CNTNAP3B: variants seen among roughly 807,000 people sequenced by gnomAD.
The protein encoded by CNTNAP3B is contactin-associated protein-like 3B.
Under a neutral mutation model 108.9 loss-of-function variants are expected in CNTNAP3B, and 25 were observed. That is an observed-to-expected ratio of 0.23 (90% CI 0.17 to 0.32). The LOEUF (loss-of-function observed/expected upper bound fraction) is 0.32, where lower values mean the gene tolerates loss of function less well. CNTNAP3B is among the 10% of genes least tolerant of loss of function. CNTNAP3B has a pLI of 1.00. For missense variants in CNTNAP3B, 252 were observed against 1,210.4 expected, an observed-to-expected ratio of 0.21 and a Z score of 11.75; for synonymous variants, 103 against 473.4, an observed-to-expected ratio of 0.22 and a Z score of 10.16.
chr9:41,986,456 T>G, intron 8 of CNTNAP3B, 145 bp from the exon 9 acceptor site: 1 of 1,016,702 alleles, frequency 9.8e-7, no homozygotes, highest in Non-Finnish European at 1.4e-6. Flanking sequence ...ATTAACCACC[T>G]ATCTTTAATT....
intron 14 of CNTNAP3B, among the ~76,000 whole-genome samples, chr9:41,932,517 C>T (rs3011061): frequency 1.6e-5 from 2 of 124,852 alleles, no homozygotes; most frequent in Non-Finnish European, 3.5e-5. Context: ...ACTTTTTTTT[C>T]TTCTTTTTTT....
At chr9:42,086,007 C>T (rs1213583816) in intron 2 of CNTNAP3B, among the ~76,000 whole-genome samples, 954 of 109,312 alleles carry the variant, frequency 8.7e-3, no homozygotes, top group South Asian at 0.015. Flanking sequence ...ATTAGTCCAT[C>T]TTCACACTGC....
chr9:41,953,435 G>A, intron 12 of CNTNAP3B, 49 bp from the exon 13 acceptor site: 1 of 1,505,256 alleles, frequency 6.6e-7, no homozygotes, highest in South Asian at 1.2e-5. Context: ...GCAGACGCCA[G>A]CAGCAAGAGG....
intron 13 of CNTNAP3B, among the ~76,000 whole-genome samples, chr9:41,939,490 CT>C (rs1824266361): frequency 6.9e-6 from 1 of 145,864 alleles, no homozygotes; most frequent in African/African-American, 2.6e-5. Flanking sequence ...TCACCTGCCC[CT>C]CTGCCAAAAA....
intron 10 of CNTNAP3B, among the ~76,000 whole-genome samples, chr9:41,968,858 C>T (rs1440563218): frequency 2.0e-5 from 3 of 149,988 alleles, no homozygotes; most frequent in East Asian, 1.9e-4. Context: ...AGTGCAGTGG[C>T]ACTATCTCAT....
chr9:42,090,347 CT>C (rs1194296821), intron 2 of CNTNAP3B, among the ~76,000 whole-genome samples: 2 of 93,642 alleles, frequency 2.1e-5, no homozygotes, highest in Non-Finnish European at 4.2e-5. Flanking sequence ...TGGAGCTCTA[CT>C]TTTTCTTTAT....
intron 11 of CNTNAP3B, among the ~76,000 whole-genome samples, chr9:41,962,913 A>G (rs62557278): frequency 2.0e-5 from 3 of 151,220 alleles, no homozygotes; most frequent in Non-Finnish European, 2.9e-5. Context: ...TGAGATCATG[A>G]CACTGGGCTC....
intron 13 of CNTNAP3B, among the ~76,000 whole-genome samples, chr9:41,943,744 T>C (rs1824436970): frequency 6.6e-6 from 1 of 151,862 alleles, no homozygotes; most frequent in African/African-American, 2.4e-5. Flanking sequence ...GAAGAAATAT[T>C]TAAAATAATG....
chr9:42,038,527 CAAAG>C (rs1473160666), intron 3 of CNTNAP3B, among the ~76,000 whole-genome samples: 1 of 117,054 alleles, frequency 8.5e-6, no homozygotes, highest in Non-Finnish European at 1.8e-5. Context: ...TCAAAAGAGA[CAAAG>C]AAGGCCATTA....
chr9:41,925,267 C>G (rs1336159898), intron 15 of CNTNAP3B, among the ~76,000 whole-genome samples: 1 of 150,574 alleles, frequency 6.6e-6, no homozygotes, highest in Non-Finnish European at 1.5e-5. Context: ...GTCATTCCTT[C>G]CACATTAATT....
At chr9:42,108,772 T>C (rs1828131141) in intron 1 of CNTNAP3B, among the ~76,000 whole-genome samples, 1 of 139,290 alleles carries the variant, frequency 7.2e-6, no homozygotes, top group African/African-American at 2.8e-5. Flanking sequence ...ATTTGTCCCC[T>C]GACCCCTGCC....
In CNTNAP3B at chr9:41,972,749, AT is replaced by A. The variant is rs1423732397; in HGVS notation, c.1478-2505del. ...ATGGTACAGCAGAACCTTCTGAAGA[AT>A]GGGATAGAGAGTGAACTTTGTATAA... On this transcript the variant is annotated intron_variant, in intron 9 of 23. Transcript: ENST00000377561. 5.9e-5 allele frequency among the ~76,000 whole-genome samples: 8 copies of A among 135,210 alleles called. 1 individual carries two copies. The highest frequency in any genetic ancestry group is 3.0e-4 in the Admixed American group (4 of 13,276). The allele number at this position is 135,210 out of a possible 152,430, so 88.7% of individuals were successfully genotyped here. A position where few individuals can be genotyped will look rare whatever the true frequency, so the allele number is the denominator to read the frequency against.
intron 10 of CNTNAP3B, among the ~76,000 whole-genome samples, chr9:41,965,280 A>G (rs552157969): frequency 2.3e-4 from 35 of 152,332 alleles, no homozygotes; most frequent in Non-Finnish European, 3.8e-4. Flanking sequence ...TAAAATTCAC[A>G]GGGAACCTCA....
chr9:41,918,552 C>T (rs1342619447), intron 18 of CNTNAP3B, among the ~76,000 whole-genome samples: 1 of 143,868 alleles, frequency 7.0e-6, no homozygotes, highest in Non-Finnish European at 1.5e-5. Flanking sequence ...CTTTCCATTT[C>T]CATAAAATAT....
At chr9:41,957,838 G>T (rs1364084342) in intron 12 of CNTNAP3B, among the ~76,000 whole-genome samples, 1 of 152,292 alleles carries the variant, frequency 6.6e-6, no homozygotes, top group Non-Finnish European at 1.5e-5. Context: ...TCAGCTCACT[G>T]CAAGCTCCGC....
At chr9:42,037,470 C>A (rs868256308) in intron 3 of CNTNAP3B, among the ~76,000 whole-genome samples, 1 of 129,758 alleles carries the variant, frequency 7.7e-6, no homozygotes, top group Non-Finnish European at 1.6e-5. Flanking sequence ...GGCAAAAGAA[C>A]CACATGACGC....
At chr9:41,960,968 T>G in intron 11 of CNTNAP3B, 76 bp from the exon 12 acceptor site, 1 of 1,527,052 alleles carries the variant, frequency 6.5e-7, no homozygotes, top group Admixed American at 2.3e-5. Context: ...GGTTTGCATT[T>G]CTGAATTACA....
In CNTNAP3B at chr9:41,993,666, C is replaced by T. The variant is rs1825846323; in HGVS notation, c.1072-1795G>A. On this transcript the variant is annotated intron_variant, in intron 7 of 23. Coordinates refer to ENST00000377561, the MANE Select transcript of CNTNAP3B (RefSeq NM_001201380.3). The stretch of plus-strand genomic sequence containing the variant: ...TTAGGTGGGTAGCTGCCTGCTACAA[C>T]AGAGAAGCAGGGCTTCTTGCCACAG... 2 of 99,318 alleles carry T rather than the reference C, an allele frequency of 2.0e-5. 1 individual carries two copies. The highest frequency in any genetic ancestry group is 7.7e-5 in the African/African-American group (2 of 25,948). 6.2% of individuals were successfully genotyped at this position (99,318 alleles called of 1,614,324 possible).
At chr9:41,941,482 A>T in intron 13 of CNTNAP3B, among the ~76,000 whole-genome samples, 1 of 151,340 alleles carries the variant, frequency 6.6e-6, no homozygotes. Context: ...CACCAGGAAG[A>T]CATAAATGCA....
Sources: gnomAD v4.1 joint callset for allele counts (sites outside exome capture counted in the v4.1 genomes callset) on GRCh38, gnomAD v4.1.1 for gene constraint, MANE v1.5 for transcripts, NCBI Gene and HGNC (gene_info 2026-07-23, HGNC 2026-07-21) for gene names.